MYL4: variants seen among roughly 807,000 people sequenced by gnomAD.
The protein encoded by MYL4 is atrial myosin light chain 1.
In MYL4, 16 loss-of-function variants were observed where a neutral mutation model predicts 21.6. The ratio of observed to expected loss-of-function variants is 0.74; its 90% confidence interval spans 0.50 to 1.12. The LOEUF (loss-of-function observed/expected upper bound fraction) is 1.12. Ranked by LOEUF, MYL4 falls within the 50% of genes most tolerant of loss-of-function variation. The pLI is 0.00. For missense variants in MYL4, 249 were observed against 252.9 expected, an observed-to-expected ratio of 0.98 and a Z score of 0.11; for synonymous variants, 82 against 95.7, an observed-to-expected ratio of 0.86 and a Z score of 0.83.
At chr17:47,211,813 G>A (rs567907532) in intron 1 of MYL4, among the ~76,000 whole-genome samples, 6 of 152,088 alleles carry the variant, frequency 3.9e-5, no homozygotes, top group Non-Finnish European at 8.8e-5. Context: ...TAGGAATGAC[G>A]GCACTTGAAG....
chr17:47,222,423 G>A lies in MYL4; in HGVS notation c.531G>A (p.Gly177=). 1 of 1,614,126 alleles carries A rather than the reference G, an allele frequency of 6.2e-7. No homozygotes were observed. The highest frequency in any genetic ancestry group is 8.5e-7 in the Non-Finnish European group (1 of 1,179,970). Residue 177 remains glycine (G), a synonymous_variant, in exon 5 of 7, where the codon GGG becomes GGA. Coordinates refer to ENST00000393450, the MANE Select transcript of MYL4 (RefSeq NM_002476.2). ...TEAEVEQLLA[G]QEDANGCINY... is the part of the protein sequence containing the mutation. The stretch of plus-strand genomic sequence containing the variant: ...CTGAAGTGGAGCAGCTGTTAGCTGG[G>A]CAAGAGGATGCCAATGGCTGCATCA...
upstream of MYL4, chr17:47,209,251 C>A: frequency 1.8e-5 from 15 of 821,050 alleles, no homozygotes; most frequent in East Asian, 2.5e-5. Flanking sequence ...GGCGTTTCTT[C>A]CTTTTATAGT....
intron 5 of MYL4, 79 bp from the exon 6 acceptor site, chr17:47,222,935 C>A: frequency 6.5e-7 from 1 of 1,534,874 alleles, no homozygotes; most frequent in Non-Finnish European, 9.0e-7. Context: ...AGAAGTCAGG[C>A]AGTGTAGAGA....
intron 1 of MYL4, among the ~76,000 whole-genome samples, chr17:47,212,319 G>A (rs1447801373): frequency 6.6e-6 from 1 of 152,184 alleles, no homozygotes; most frequent in South Asian, 2.1e-4. Flanking sequence ...TGCATTATAT[G>A]GGGGAAATCT....
At chr17:47,198,906 A>G (rs1049502218), upstream of MYL4, among the ~76,000 whole-genome samples, 2 of 151,924 alleles carry the variant, frequency 1.3e-5, no homozygotes, top group African/African-American at 4.8e-5. Context: ...GGATCTCTTG[A>G]GCCTAGAAGT....
chr17:47,195,641 C>T (rs1223060117), upstream of MYL4, among the ~76,000 whole-genome samples: 1 of 152,212 alleles, frequency 6.6e-6, no homozygotes, highest in Admixed American at 6.5e-5. Flanking sequence ...TCTCTTGCCT[C>T]ACAGGCTTTG....
At chr17:47,222,865 C>A in intron 5 of MYL4, 149 bp from the exon 6 acceptor site, 1 of 970,606 alleles carries the variant, frequency 1.0e-6, no homozygotes, top group Non-Finnish European at 1.6e-6. Flanking sequence ...ACCTTCTCCC[C>A]ACCAACCCCC....
At chr17:47,199,198 G>T (rs932820088), upstream of MYL4, among the ~76,000 whole-genome samples, 1 of 149,952 alleles carries the variant, frequency 6.7e-6, no homozygotes, top group Non-Finnish European at 1.5e-5. Flanking sequence ...CCAAGATTGT[G>T]CCACTGCACT....
chr17:47,213,717 C>A, intron 1 of MYL4, 82 bp from the exon 2 acceptor site: 1 of 1,436,394 alleles, frequency 7.0e-7, no homozygotes, highest in Non-Finnish European at 9.7e-7. Context: ...TTGGAAGCCA[C>A]TTCTGCTTCT....
At chr17:47,199,555 G>C (rs1004651937), upstream of MYL4, among the ~76,000 whole-genome samples, 47 of 151,854 alleles carry the variant, frequency 3.1e-4, no homozygotes, top group Non-Finnish European at 5.9e-4. Context: ...CTGGTGTAGA[G>C]GATGCAGACA....
chr17:47,204,418 G>A (rs140286442), upstream of MYL4, among the ~76,000 whole-genome samples: 95 of 152,290 alleles, frequency 6.2e-4, no homozygotes, highest in African/African-American at 2.2e-3. Context: ...GGTCACAGTA[G>A]TTCCATCAGG....
intron 1 of MYL4, among the ~76,000 whole-genome samples, chr17:47,203,812 G>A (rs950793399): frequency 6.6e-6 from 1 of 152,204 alleles, no homozygotes; most frequent in Non-Finnish European, 1.5e-5. Context: ...GGCTGGGGGT[G>A]AATGAGCCCT....
chr17:47,211,890 T>G (rs1598652879), intron 1 of MYL4, among the ~76,000 whole-genome samples: 1 of 151,828 alleles, frequency 6.6e-6, no homozygotes, highest in Non-Finnish European at 1.5e-5. Context: ...TGGGGTGGGG[T>G]GCATAAGGAC....
At position 47,221,721 on chromosome 17, in the gene MYL4, C is replaced by A. The variant is rs537576399; in HGVS notation, c.353C>A (p.Pro118His). 2 of 1,613,912 alleles carry A rather than the reference C, an allele frequency of 1.2e-6. No homozygotes were observed. The highest frequency in any genetic ancestry group is 2.7e-5 in the African/African-American group (2 of 74,902). ...VKMLDFETFL[P>H]ILQHISRNKE... ...ATGCTGGACTTTGAGACGTTCTTGC[C>A]CATCCTGCAGCACATTTCCCGCAAC... Residue 118 changes from proline (P) to histidine (H), a missense_variant, in exon 4 of 7, where the codon CCC (proline) becomes CAC (histidine). Physicochemically the swap from Pro to His is moderately conservative, Grantham distance 77. Transcript: ENST00000393450.
At chr17:47,209,300 G>T, upstream of MYL4, 2 of 1,315,510 alleles carry the variant, frequency 1.5e-6, no homozygotes, top group South Asian at 1.2e-5. Flanking sequence ...GCCCCTCTGT[G>T]GGGGCTCCTG....
upstream of MYL4, among the ~76,000 whole-genome samples, chr17:47,199,214 C>G (rs376612918): frequency 1.5e-3 from 230 of 149,882 alleles, 1 homozygote; most frequent in African/African-American, 5.3e-3. Flanking sequence ...GCACTCCAGC[C>G]TGGGCAACAG....
In MYL4 at chr17:47,213,820, A is replaced by T. The variant is rs2064793750; in HGVS notation, c.157A>T (p.Ile53Phe). 6.2e-7 allele frequency: 1 copy of T among 1,614,106 alleles called. No individual in the cohort carries two copies. Among genetic ancestry groups the T allele is most frequent in the Non-Finnish European group, 8.5e-7 (1 of 1,179,966 alleles). Residue 53 changes from isoleucine (I) to phenylalanine (F), a missense_variant, in exon 2 of 7, where the codon ATT (isoleucine) becomes TTT (phenylalanine). Coordinates refer to ENST00000393450, the MANE Select transcript of MYL4 (RefSeq NM_002476.2). ...SVKIDFTADQ[I>F]EEFKEAFSLF... ...ACAGATAGACTTCACTGCCGACCAG[A>T]TTGAAGGTGAGTATGGACAACCCCA...
chr17:47,209,715 G>C (rs773493607), intron 1 of MYL4, 158 bp downstream of exon 1: 11 of 1,084,030 alleles, frequency 1.0e-5, no homozygotes, highest in Non-Finnish European at 1.5e-5. Context: ...AGTGGGTGTT[G>C]GGGCTGATGA....
chr17:47,225,946 CAG>C (rs1249502829), downstream of MYL4, among the ~76,000 whole-genome samples: 1 of 146,426 alleles, frequency 6.8e-6, no homozygotes, highest in Non-Finnish European at 1.5e-5. Flanking sequence ...TTGCATGTCT[CAG>C]GGGTTTGGTG....
Sources: allele counts gnomAD v4.1 joint callset (sites outside exome capture counted in the v4.1 genomes callset), GRCh38; gene constraint gnomAD v4.1.1; transcripts MANE v1.5; gene names NCBI Gene and HGNC (gene_info 2026-07-23, HGNC 2026-07-21).